The following SH3YL1 variants were observed in gnomAD, a reference collection of about 807,000 sequenced individuals.
SH3YL1 encodes SH3 and SYLF domain containing 1.
Under a neutral mutation model 45.8 loss-of-function variants are expected in SH3YL1, and 41 were observed. That is an observed-to-expected ratio of 0.89 (90% confidence interval 0.70 to 1.16). SH3YL1 has a LOEUF of 1.16. SH3YL1 is among the 50% of genes most tolerant of loss of function. The pLI is 0.00. For missense variants in SH3YL1, 389 were observed against 409.6 expected, an observed-to-expected ratio of 0.95 and a Z score of 0.43; for synonymous variants, 152 against 151.4, an observed-to-expected ratio of 1.00 and a Z score of -0.03.
At chr2:230,723 G>A (rs974722356) in intron 7 of SH3YL1, 5 of 337,588 alleles carry the variant, frequency 1.5e-5, no homozygotes, top group South Asian at 3.1e-5. Flanking sequence ...TGGCCAGGCT[G>A]GTCTGAAACT....
chr2:229,373 A>T (rs1318365382), intron 8 of SH3YL1, among the ~76,000 whole-genome samples: 1 of 152,222 alleles, frequency 6.6e-6, no homozygotes, highest in Non-Finnish European at 1.5e-5. Flanking sequence ...CGGTTTTTGG[A>T]AGAAATGGCA....
At chr2:219,277 A>G (rs1667480493) in intron 9 of SH3YL1, among the ~76,000 whole-genome samples, 1 of 152,196 alleles carries the variant, frequency 6.6e-6, no homozygotes, top group African/African-American at 2.4e-5. Flanking sequence ...CTATTTTAAT[A>G]TAGTCATTGC....
Position 247,614 on chromosome 2 carries a change from AC to A in SH3YL1, c.227-13del, listed in dbSNP as rs921468530. ...GGGTGCAGACCATTCTAATAAAAAAACAAACGAACGTTATCCTAACATTAAA... is the reference window on the plus strand; with the variant it reads ...GGGTGCAGACCATTCTAATAAAAAAAAAACGAACGTTATCCTAACATTAAA... On this transcript the variant is annotated splice_polypyrimidine_tract_variant and intron_variant, in intron 3 of 9. Transcript: ENST00000356150. 3 of 1,548,536 alleles carry A rather than the reference AC, an allele frequency of 1.9e-6. No individual in the cohort carries two copies. Among genetic ancestry groups the A allele is most frequent in the South Asian group, 1.2e-5 (1 of 83,324 alleles).
At chr2:221,863 G>A (rs891980125) in intron 9 of SH3YL1, among the ~76,000 whole-genome samples, 7 of 152,204 alleles carry the variant, frequency 4.6e-5, no homozygotes, top group African/African-American at 1.7e-4. Context: ...AAGCCAGTTA[G>A]TGCTGTGCCC....
At chr2:232,132 T>C (rs899985802) in intron 6 of SH3YL1, among the ~76,000 whole-genome samples, 8 of 152,236 alleles carry the variant, frequency 5.3e-5, no homozygotes, top group African/African-American at 1.7e-4. Flanking sequence ...ACACATATTT[T>C]AGTGGCAATT....
At chr2:264,605 G>GC (rs1360119171), upstream of SH3YL1, 1 of 45,824 alleles carries the variant, frequency 2.2e-5, no homozygotes, top group Non-Finnish European at 4.0e-5. Flanking sequence ...ACTCCCCCCC[G>GC]CCAACCCCCG....
intron 4 of SH3YL1, chr2:240,080 C>T (rs1213426759): frequency 1.3e-5 from 2 of 152,366 alleles, no homozygotes; most frequent in African/African-American, 4.8e-5. Flanking sequence ...AAGCTCCATT[C>T]CAGGCAAGAG....
chr2:242,943 A>G (rs1040270418), intron 4 of SH3YL1: 1 of 934,052 alleles, frequency 1.1e-6, no homozygotes, highest in African/African-American at 1.7e-5. Flanking sequence ...ATGGTCAATC[A>G]ACCAAAGAGA....
chr2:233,340 C>A (rs891665418), intron 5 of SH3YL1, 111 bp from the exon 6 acceptor site: 10 of 1,165,802 alleles, frequency 8.6e-6, no homozygotes, highest in Non-Finnish European at 1.0e-5. Context: ...TCTGTACCTT[C>A]TTCAGCTGTT....
intron 4 of SH3YL1, chr2:241,811 A>AG (rs1215735078): frequency 2.6e-5 from 4 of 152,106 alleles, no homozygotes; most frequent in African/African-American, 9.7e-5. Context: ...TCAAAAATGA[A>AG]GGGGATATGA....
chr2:253,411 A>C (rs6729496), intron 1 of SH3YL1, among the ~76,000 whole-genome samples: 96,209 of 152,012 alleles, frequency 0.63, 31,515 homozygotes, highest in East Asian at 0.83. Flanking sequence ...AAAACCAAGA[A>C]GGCAATGAAC....
At chr2:254,009 A>T (rs1669196959) in intron 1 of SH3YL1, among the ~76,000 whole-genome samples, 1 of 152,194 alleles carries the variant, frequency 6.6e-6, no homozygotes, top group Non-Finnish European at 1.5e-5. Context: ...AAACCTGGCC[A>T]AACCTCCCTG....
At chr2:224,078 C>T (rs778100516) in intron 9 of SH3YL1, among the ~76,000 whole-genome samples, 7 of 152,094 alleles carry the variant, frequency 4.6e-5, no homozygotes, top group Admixed American at 1.3e-4. Flanking sequence ...TTTAATTCTC[C>T]GACAGTTTTA....
rs768223751 is a variant in SH3YL1 at position 234,207 on chromosome 2, AT to A, written c.356del (p.Asn119IlefsTer2). 40 of 1,614,022 alleles carry A rather than the reference AT, an allele frequency of 2.5e-5. No homozygotes were observed. The highest frequency in any genetic ancestry group is 3.4e-5 in the Non-Finnish European group (40 of 1,180,018). On this transcript the variant is annotated frameshift_variant, in exon 5 of 10. Coordinates refer to ENST00000356150, the MANE Select transcript of SH3YL1 (RefSeq NM_015677.4). LOFTEE classifies it high-confidence loss of function. ...RAVEAFAKGG[N>X]LTLGGNLTVA... is the part of the protein sequence containing the mutation. ...CAGTCAAGTTCCCTCCGAGGGTCAG[AT>A]TTCCGCCTTTTGCAAAAGCTTCTAC...
At position 218,703 on chromosome 2, in the gene SH3YL1, TAGAAC is replaced by T; in HGVS notation, c.*103_*107del. On this transcript the variant is annotated 3_prime_UTR_variant, in exon 10 of 10. Coordinates refer to ENST00000356150, the MANE Select transcript of SH3YL1 (RefSeq NM_015677.4). ...TTTTACATACGGAATGGAAATTTTG[TAGAAC>T]AGAAGTTTTTTAAAATTTATATTAA... The T allele has an allele frequency of 1.0e-6, 1 of 959,828 alleles. No individual in the cohort carries two copies. Among genetic ancestry groups the T allele is most frequent in the South Asian group, 2.1e-5 (1 of 47,118 alleles). 59.5% of individuals were successfully genotyped at this position (959,828 alleles called of 1,614,324 possible).
chr2:230,057 AAAAGAT>A lies in SH3YL1; in HGVS notation c.703-19_703-14del, dbSNP rs1244388701. The A allele has an allele frequency of 7.6e-6, 12 of 1,588,356 alleles. No homozygotes were observed. The Admixed American group carries it at 8.9e-5, about 12-fold the overall frequency. On this transcript the variant is annotated splice_polypyrimidine_tract_variant and intron_variant, in intron 7 of 9. Coordinates refer to ENST00000356150, the MANE Select transcript of SH3YL1 (RefSeq NM_015677.4). Reference sequence around the variant, plus strand: ...GTAATTCTTTAGCCTGGGAGAAACAAAAAGATAAATACACATAATTTTAAAATCTTG... The same window carrying A: ...GTAATTCTTTAGCCTGGGAGAAACAAAAATACACATAATTTTAAAATCTTG...
chr2:229,363 C>T (rs1003542978), intron 8 of SH3YL1, among the ~76,000 whole-genome samples: 3 of 152,102 alleles, frequency 2.0e-5, no homozygotes, highest in Non-Finnish European at 2.9e-5. Flanking sequence ...AGAAGGATAA[C>T]GGTTTTTGGA....
chr2:262,723 T>C (rs1669636247), intron 1 of SH3YL1: 1 of 1,286,802 alleles, frequency 7.8e-7, no homozygotes, highest in Non-Finnish European at 1.0e-6. Flanking sequence ...ACTTCCTATG[T>C]TTGTGTTGAC....
intron 7 of SH3YL1, 84 bp from the exon 8 acceptor site, chr2:230,128 A>G: frequency 9.6e-7 from 1 of 1,038,300 alleles, no homozygotes; most frequent in Non-Finnish European, 1.4e-6. Flanking sequence ...TAATGAGGTT[A>G]TGTAGCAAAC....
Sources: allele counts gnomAD v4.1 joint callset (sites outside exome capture counted in the v4.1 genomes callset), GRCh38; gene constraint gnomAD v4.1.1; transcripts MANE v1.5; gene names NCBI Gene and HGNC (gene_info 2026-07-23, HGNC 2026-07-21).